The following SLC36A1 variants were observed in gnomAD, a reference collection of about 807,000 sequenced individuals.
SLC36A1 encodes the protein proton-coupled amino acid transporter 1.
A neutral mutation model predicts 47.5 loss-of-function variants in SLC36A1; 30 were observed. The observed-to-expected ratio is 0.63, with a 90% CI of 0.47 to 0.86. The LOEUF is 0.86. SLC36A1 is among the 40% of genes least tolerant of loss of function. The pLI, the probability that SLC36A1 is intolerant of heterozygous loss-of-function variation, is 0.00. For synonymous variants in SLC36A1, 255 were observed against 249.7 expected, an observed-to-expected ratio of 1.02 and a Z score of -0.20; for missense variants, 517 against 606.0, an observed-to-expected ratio of 0.85 and a Z score of 1.54.
the SLC36A1 span, among the ~76,000 whole-genome samples, chr5:151,394,664 C>T: frequency 6.6e-6 from 1 of 152,206 alleles, no homozygotes; most frequent in African/African-American, 2.4e-5. Context: ...TACTGCAGGT[C>T]CACTCCAGAC....
intron 1 of SLC36A1, among the ~76,000 whole-genome samples, chr5:151,440,744 G>A (rs1752577761): frequency 6.6e-6 from 1 of 152,054 alleles, no homozygotes; most frequent in South Asian, 2.1e-4. Context: ...AACCAAGGAG[G>A]GTTTTCAATC....
At chr5:151,355,904 C>T in the SLC36A1 span, among the ~76,000 whole-genome samples, 2 of 152,172 alleles carry the variant, frequency 1.3e-5, no homozygotes, top group African/African-American at 2.4e-5. Context: ...GAAGGATTCA[C>T]AGTAGTTCCT....
At chr5:151,518,101 C>T in the SLC36A1 span, among the ~76,000 whole-genome samples, 5 of 152,062 alleles carry the variant, frequency 3.3e-5, no homozygotes, top group East Asian at 7.7e-4. Flanking sequence ...GAGGCTGTGG[C>T]GGGAGGATCA....
At chr5:151,542,665 G>T in the SLC36A1 span, 2 of 1,614,194 alleles carry the variant, frequency 1.2e-6, no homozygotes, top group Non-Finnish European at 1.7e-6. Context: ...CTTGTCAATG[G>T]CAGTCACTTG....
the SLC36A1 span, among the ~76,000 whole-genome samples, chr5:151,422,424 T>A: frequency 6.6e-6 from 1 of 152,140 alleles, no homozygotes; most frequent in East Asian, 1.9e-4. Flanking sequence ...GATTAAAAAA[T>A]GGACAAAAGG....
the SLC36A1 span, among the ~76,000 whole-genome samples, chr5:151,349,015 T>A: frequency 6.6e-6 from 1 of 152,216 alleles, no homozygotes; most frequent in African/African-American, 2.4e-5. Flanking sequence ...CACCATTACA[T>A]GGCAGTATTA....
the SLC36A1 span, among the ~76,000 whole-genome samples, chr5:151,361,126 A>T: frequency 6.6e-6 from 1 of 152,244 alleles, no homozygotes; most frequent in Non-Finnish European, 1.5e-5. Context: ...CCACAATGGC[A>T]TCTTCAATGG....
the SLC36A1 span, among the ~76,000 whole-genome samples, chr5:151,540,350 C>T: frequency 1.3e-5 from 2 of 151,900 alleles, no homozygotes; most frequent in East Asian, 1.9e-4. Context: ...CCTCCTTTCT[C>T]CTGCCCCTCA....
At chr5:151,458,097 C>G (rs1442400301) in intron 1 of SLC36A1, among the ~76,000 whole-genome samples, 1 of 151,722 alleles carries the variant, frequency 6.6e-6, no homozygotes, top group African/African-American at 2.4e-5. Flanking sequence ...ATCCGCCCGC[C>G]TTGGCCTCCC....
chr5:151,543,596 C>A, the SLC36A1 span: 2 of 1,614,140 alleles, frequency 1.2e-6, no homozygotes, highest in Admixed American at 3.3e-5. Context: ...CCATAGGGAC[C>A]ACTATCTTTG....
chr5:151,353,493 T>C, the SLC36A1 span, among the ~76,000 whole-genome samples: 1 of 152,178 alleles, frequency 6.6e-6, no homozygotes, highest in African/African-American at 2.4e-5. Flanking sequence ...GCCCCACGCA[T>C]TCACAGCATC....
the SLC36A1 span, chr5:151,507,233 G>T: frequency 1.2e-6 from 2 of 1,613,764 alleles, no homozygotes; most frequent in East Asian, 2.2e-5. Context: ...GCGGGAGTCT[G>T]GGGGGCACAC....
chr5:151,346,133 A>G, the SLC36A1 span, among the ~76,000 whole-genome samples: 1 of 152,172 alleles, frequency 6.6e-6, no homozygotes. Flanking sequence ...TGAAATTGCC[A>G]TCAAACCTTG....
At chr5:151,401,322 A>T in the SLC36A1 span, among the ~76,000 whole-genome samples, 1 of 152,144 alleles carries the variant, frequency 6.6e-6, no homozygotes, top group Non-Finnish European at 1.5e-5. Flanking sequence ...TTTGTCAAAG[A>T]TCCGTTGGTT....
At chr5:151,544,740 T>C in the SLC36A1 span, 1 of 1,614,120 alleles carries the variant, frequency 6.2e-7, no homozygotes, top group Non-Finnish European at 8.5e-7. Context: ...AATCAAAGGG[T>C]TTCTTGAGTG....
the SLC36A1 span, chr5:151,380,911 G>A: frequency 0.24 from 97,718 of 404,276 alleles, 14,407 homozygotes; most frequent in African/African-American, 0.49. Flanking sequence ...ACCTGATGCC[G>A]CAAGCATTGG....
chr5:151,465,679 G>C (rs186299599), intron 5 of SLC36A1, among the ~76,000 whole-genome samples: 2 of 152,152 alleles, frequency 1.3e-5, no homozygotes, highest in African/African-American at 4.8e-5. Context: ...TGAGCTAGGA[G>C]TACACCCTCA....
chr5:151,506,000 G>T, the SLC36A1 span: 4 of 1,573,172 alleles, frequency 2.5e-6, no homozygotes, highest in East Asian at 4.5e-5. Context: ...GGTGAGCCGA[G>T]GGCGGCAGAG....
downstream of SLC36A1, among the ~76,000 whole-genome samples, chr5:151,496,039 T>G (rs1184591137): frequency 6.6e-6 from 1 of 152,224 alleles, no homozygotes; most frequent in Non-Finnish European, 1.5e-5. Context: ...GGAGCACAAT[T>G]GCTGAATTGT....
Sources: gnomAD v4.1 joint callset for allele counts (sites outside exome capture counted in the v4.1 genomes callset) on GRCh38, gnomAD v4.1.1 for gene constraint, MANE v1.5 for transcripts, NCBI Gene and HGNC (gene_info 2026-07-23, HGNC 2026-07-21) for gene names.